The following C7orf78 variants were observed in gnomAD, a reference collection of about 807,000 sequenced individuals.
C7orf78 encodes chromosome 7 open reading frame 78, also known as putative uncharacterized protein C7orf78.
At chr7:12,540,311 C>T in the C7orf78 span, among the ~76,000 whole-genome samples, 1 of 152,198 alleles carries the variant, frequency 6.6e-6, no homozygotes, top group Non-Finnish European at 1.5e-5. Context: ...CACTTCCCTG[C>T]ACTATTCTAC....
the C7orf78 span, among the ~76,000 whole-genome samples, chr7:12,504,157 T>G: frequency 6.6e-6 from 1 of 152,200 alleles, no homozygotes; most frequent in Non-Finnish European, 1.5e-5. Context: ...GCTAAGCAAT[T>G]ACAAAAGGTG....
At chr7:12,487,855 T>C in the C7orf78 span, among the ~76,000 whole-genome samples, 1 of 152,096 alleles carries the variant, frequency 6.6e-6, no homozygotes, top group Admixed American at 6.6e-5. Context: ...TTTTAAATAC[T>C]TGTGCAGTTA....
chr7:12,500,435 G>C, the C7orf78 span, among the ~76,000 whole-genome samples: 1 of 150,252 alleles, frequency 6.7e-6, no homozygotes, highest in Non-Finnish European at 1.5e-5. Flanking sequence ...ACTACCATCA[G>C]AGAATACTAC....
At chr7:12,539,233 G>T in the C7orf78 span, among the ~76,000 whole-genome samples, 2 of 152,168 alleles carry the variant, frequency 1.3e-5, no homozygotes, top group Non-Finnish European at 2.9e-5. Context: ...GGGAGGCCAA[G>T]GTGGGCGGAT....
the C7orf78 span, among the ~76,000 whole-genome samples, chr7:12,501,628 A>C: frequency 7.5e-6 from 1 of 133,390 alleles, no homozygotes; most frequent in Admixed American, 7.8e-5. Flanking sequence ...GGTAGGAAGA[A>C]TCAATATCGT....
At chr7:12,521,644 CTT>C in the C7orf78 span, among the ~76,000 whole-genome samples, 54 of 124,756 alleles carry the variant, frequency 4.3e-4, no homozygotes, top group Non-Finnish European at 6.2e-4. Context: ...TGGGTTTGGG[CTT>C]TTTTTTTTTT....
the C7orf78 span, among the ~76,000 whole-genome samples, chr7:12,518,632 G>A: frequency 6.6e-6 from 1 of 152,152 alleles, no homozygotes; most frequent in South Asian, 2.1e-4. Flanking sequence ...GATGGTATAG[G>A]TGGTGGAATA....
chr7:12,497,712 C>G, the C7orf78 span, among the ~76,000 whole-genome samples: 14,504 of 151,986 alleles, frequency 0.095, 850 homozygotes, highest in Non-Finnish European at 0.13. Context: ...CTGGGAAGCT[C>G]GAACTGGGTG....
At chr7:12,488,718 G>A in the C7orf78 span, among the ~76,000 whole-genome samples, 78 of 151,996 alleles carry the variant, frequency 5.1e-4, no homozygotes, top group African/African-American at 1.9e-3. Flanking sequence ...ATAAATTATA[G>A]CTTATAAATT....
At chr7:12,529,180 G>T in the C7orf78 span, 1 of 393,386 alleles carries the variant, frequency 2.5e-6, no homozygotes, top group Non-Finnish European at 4.5e-6. Context: ...TATAGCCGCT[G>T]CTTTTTTTGT....
At chr7:12,524,274 T>C in the C7orf78 span, among the ~76,000 whole-genome samples, 1 of 152,188 alleles carries the variant, frequency 6.6e-6, no homozygotes, top group Non-Finnish European at 1.5e-5. Flanking sequence ...CGAAACAGTA[T>C]ATGCAAAGCA....
At chr7:12,519,159 A>AC in the C7orf78 span, among the ~76,000 whole-genome samples, 1 of 152,106 alleles carries the variant, frequency 6.6e-6, no homozygotes, top group Non-Finnish European at 1.5e-5. Flanking sequence ...GTCACCACCC[A>AC]CAACCCAAAC....
At chr7:12,523,429 A>G in the C7orf78 span, 1 of 398,206 alleles carries the variant, frequency 2.5e-6, no homozygotes, top group Non-Finnish European at 4.4e-6. Context: ...TTCGACAGGT[A>G]AAAAAGAGCA....
chr7:12,496,149 T>C, the C7orf78 span, among the ~76,000 whole-genome samples: 1 of 152,238 alleles, frequency 6.6e-6, no homozygotes, highest in South Asian at 2.1e-4. Context: ...ATGGTCTCGA[T>C]CTCCTGACCT....
chr7:12,486,556 G>T, the C7orf78 span, among the ~76,000 whole-genome samples: 4 of 151,850 alleles, frequency 2.6e-5, no homozygotes, highest in African/African-American at 9.7e-5. Flanking sequence ...TCTGTATATA[G>T]GGAAGGAAAA....
the C7orf78 span, chr7:12,507,187 G>T: frequency 4.7e-6 from 1 of 211,652 alleles, no homozygotes; most frequent in African/African-American, 2.4e-5. Flanking sequence ...GACAACTGTA[G>T]TCCCAGCTAC....
At chr7:12,515,591 C>T in the C7orf78 span, among the ~76,000 whole-genome samples, 2 of 152,032 alleles carry the variant, frequency 1.3e-5, no homozygotes, top group East Asian at 1.9e-4. Context: ...TGGAGGGTTT[C>T]GAAGAAGGCA....
the C7orf78 span, among the ~76,000 whole-genome samples, chr7:12,508,926 A>G: frequency 2.6e-5 from 4 of 152,214 alleles, no homozygotes; most frequent in African/African-American, 4.8e-5. Context: ...AAACAAGCTC[A>G]AGGCTCCCAC....
At chr7:12,486,555 A>G in the C7orf78 span, among the ~76,000 whole-genome samples, 130 of 152,126 alleles carry the variant, frequency 8.5e-4, no homozygotes, top group African/African-American at 3.0e-3. Flanking sequence ...TTCTGTATAT[A>G]GGGAAGGAAA....
Sources: gnomAD v4.1 joint callset for allele counts (sites outside exome capture counted in the v4.1 genomes callset) on GRCh38, gnomAD v4.1.1 for gene constraint, MANE v1.5 for transcripts, NCBI Gene and HGNC (gene_info 2026-07-23, HGNC 2026-07-21) for gene names.